The following PDZRN4 variants were observed in gnomAD, a reference collection of about 807,000 sequenced individuals.
PDZRN4 encodes the protein PDZ domain containing ring finger 4, also known as PDZ domain-containing RING finger protein 4.
A neutral mutation model predicts 99.0 loss-of-function variants in PDZRN4; 70 were observed. The ratio of observed to expected loss-of-function variants is 0.71; its 90% CI spans 0.58 to 0.86. PDZRN4 has a LOEUF of 0.86. Ranked by LOEUF, PDZRN4 falls within the 40% of genes least tolerant of loss-of-function variation. The pLI, the probability that PDZRN4 is intolerant of heterozygous loss-of-function variation, is 0.00. For synonymous variants in PDZRN4, 551 were observed against 501.6 expected, an observed-to-expected ratio of 1.10 and a Z score of -1.32; for missense variants, 1,474 against 1,331.2, an observed-to-expected ratio of 1.11 and a Z score of -1.67.
intron 3 of PDZRN4, among the ~76,000 whole-genome samples, chr12:41,319,051 C>A (rs970373415): frequency 1.3e-5 from 2 of 152,114 alleles, no homozygotes; most frequent in African/African-American, 4.8e-5. Context: ...CATCTGTAAC[C>A]TAAAACAAAC....
chr12:41,251,427 T>A (rs1951169068), intron 3 of PDZRN4, among the ~76,000 whole-genome samples: 1 of 152,166 alleles, frequency 6.6e-6, no homozygotes, highest in South Asian at 2.1e-4. Flanking sequence ...TTTTGTAAAG[T>A]ATCAATGATT....
intron 3 of PDZRN4, among the ~76,000 whole-genome samples, chr12:41,458,875 G>T (rs1301335706): frequency 1.3e-5 from 2 of 152,182 alleles, no homozygotes; most frequent in South Asian, 2.1e-4. Context: ...TTCCATGAGG[G>T]GGTTAGGGAG....
chr12:41,374,953 A>T (rs1233735887), intron 3 of PDZRN4, among the ~76,000 whole-genome samples: 5 of 152,158 alleles, frequency 3.3e-5, no homozygotes, highest in South Asian at 4.1e-4. Context: ...ATTTGTTTTC[A>T]TTTTGTGCTC....
At chr12:41,305,495 A>T (rs1434578674) in intron 3 of PDZRN4, among the ~76,000 whole-genome samples, 2 of 152,154 alleles carry the variant, frequency 1.3e-5, no homozygotes, top group African/African-American at 2.4e-5. Context: ...GAAATCCAAG[A>T]TCAAATTGCC....
intron 3 of PDZRN4, among the ~76,000 whole-genome samples, chr12:41,381,230 T>C (rs1235449433): frequency 1.3e-5 from 2 of 152,168 alleles, no homozygotes; most frequent in East Asian, 3.8e-4. Flanking sequence ...TTAGGACTAT[T>C]TGGGTCTCAT....
intron 5 of PDZRN4, among the ~76,000 whole-genome samples, chr12:41,545,933 A>G (rs1445363407): frequency 6.6e-6 from 1 of 152,052 alleles, no homozygotes; most frequent in Non-Finnish European, 1.5e-5. Context: ...TGAGGTCATA[A>G]TAATCCACTA....
chr12:41,455,881 C>T (rs912749859), intron 3 of PDZRN4, among the ~76,000 whole-genome samples: 1 of 152,174 alleles, frequency 6.6e-6, no homozygotes, highest in Non-Finnish European at 1.5e-5. Context: ...ACTGTAAATC[C>T]TAATTAGGGA....
chr12:41,535,656 T>G (rs564695646), intron 5 of PDZRN4, among the ~76,000 whole-genome samples: 1 of 152,174 alleles, frequency 6.6e-6, no homozygotes, highest in Non-Finnish European at 1.5e-5. Flanking sequence ...GAGGGCTGTG[T>G]TCTCACAAAT....
At chr12:41,556,404 AG>A (rs1565614440) in intron 7 of PDZRN4, among the ~76,000 whole-genome samples, 1 of 152,246 alleles carries the variant, frequency 6.6e-6, no homozygotes, top group Non-Finnish European at 1.5e-5. Flanking sequence ...ACACACACTT[AG>A]GCTAGCTGGC....
chr12:41,549,347 A>G (rs1371573943), intron 5 of PDZRN4, among the ~76,000 whole-genome samples: 1 of 152,194 alleles, frequency 6.6e-6, no homozygotes, highest in East Asian at 1.9e-4. Context: ...TGTGCTGCAG[A>G]ATTCCTTTCA....
chr12:41,332,574 G>T (rs539944475), intron 3 of PDZRN4, among the ~76,000 whole-genome samples: 2 of 151,892 alleles, frequency 1.3e-5, no homozygotes, highest in Admixed American at 1.3e-4. Context: ...AGAACCTAGG[G>T]GTCTTGTGAT....
At chr12:41,365,659 T>C (rs1194930193) in intron 3 of PDZRN4, among the ~76,000 whole-genome samples, 1 of 152,074 alleles carries the variant, frequency 6.6e-6, no homozygotes, top group Non-Finnish European at 1.5e-5. Context: ...CCCTTTCCCC[T>C]CTTTGAGCCC....
chr12:41,359,968 C>G (rs1054476297), intron 3 of PDZRN4, among the ~76,000 whole-genome samples: 5 of 151,874 alleles, frequency 3.3e-5, no homozygotes, highest in Non-Finnish European at 5.9e-5. Context: ...AGTTTTCCAT[C>G]GGGGGATAAT....
intron 3 of PDZRN4, among the ~76,000 whole-genome samples, chr12:41,237,625 A>G (rs1029183925): frequency 6.6e-6 from 1 of 152,170 alleles, no homozygotes; most frequent in African/African-American, 2.4e-5. Context: ...TCGTTAATCC[A>G]TCTTGAGTTA....
intron 3 of PDZRN4, among the ~76,000 whole-genome samples, chr12:41,361,564 A>G (rs1034017091): frequency 6.6e-6 from 1 of 152,082 alleles, no homozygotes; most frequent in Non-Finnish European, 1.5e-5. Context: ...GCATATTGCC[A>G]CAATTTGAGG....
At chr12:41,445,998 T>C (rs558297644) in intron 3 of PDZRN4, among the ~76,000 whole-genome samples, 18 of 152,202 alleles carry the variant, frequency 1.2e-4, no homozygotes, top group Admixed American at 1.0e-3. Flanking sequence ...TTATTAATTC[T>C]ATCACTTTCA....
intron 3 of PDZRN4, among the ~76,000 whole-genome samples, chr12:41,282,951 G>A (rs1330402458): frequency 2.0e-5 from 3 of 152,008 alleles, no homozygotes; most frequent in Admixed American, 6.6e-5. Context: ...CCCTAACATA[G>A]CAATTAAAAC....
chr12:41,353,458 G>A (rs951880232), intron 3 of PDZRN4, among the ~76,000 whole-genome samples: 7 of 152,028 alleles, frequency 4.6e-5, no homozygotes, highest in Non-Finnish European at 1.0e-4. Flanking sequence ...ACTTTATAAC[G>A]AAAGATAGGG....
intron 3 of PDZRN4, among the ~76,000 whole-genome samples, chr12:41,373,037 G>T (rs908883772): frequency 3.9e-5 from 6 of 152,072 alleles, no homozygotes; most frequent in Non-Finnish European, 7.4e-5. Context: ...ATGTCAGCAG[G>T]TTCCGTGATG....
Sources: gnomAD v4.1 joint callset for allele counts (sites outside exome capture counted in the v4.1 genomes callset) on GRCh38, gnomAD v4.1.1 for gene constraint, MANE v1.5 for transcripts, NCBI Gene and HGNC (gene_info 2026-07-23, HGNC 2026-07-21) for gene names.